ZNF518A: variants seen among roughly 807,000 people sequenced by gnomAD.
ZNF518A encodes zinc finger protein 518.
In ZNF518A, 47 loss-of-function variants were observed where a neutral mutation model predicts 102.7. The observed-to-expected ratio is 0.46, with a 90% CI of 0.36 to 0.58. ZNF518A has a LOEUF of 0.58. Ranked by LOEUF, ZNF518A falls within the 20% of genes least tolerant of loss-of-function variation. The pLI, the probability that ZNF518A is intolerant of heterozygous loss-of-function variation, is 0.00. For missense variants in ZNF518A, 1,793 were observed against 1,699.8 expected (o/e 1.05, Z -0.96); for synonymous variants, 652 against 594.6 (o/e 1.10, Z -1.40).
At position 96,160,717 on chromosome 10, in the gene ZNF518A, T is replaced by C. The variant is rs1554887560; in HGVS notation, c.4395T>C (p.Ala1465=). Reference sequence around the variant, plus strand: ...TATTTGACAATCAGGATACTTGGGCTGGTCATGGGCAGAGACATTTAATGG... The same window carrying C: ...TATTTGACAATCAGGATACTTGGGCCGGTCATGGGCAGAGACATTTAATGG... The part of the protein sequence containing the change: ...GRVFDNQDTW[A]GHGQRHLMEA... Residue 1465 remains alanine (A), a synonymous_variant, in exon 6 of 6, where the codon GCT becomes GCC. Coordinates refer to ENST00000316045, the MANE Select transcript of ZNF518A (RefSeq NM_001330736.2). The C allele has an allele frequency of 1.2e-6, 2 of 1,611,652 alleles. No individual in the cohort carries two copies. The highest frequency in any genetic ancestry group is 1.7e-5 in the Admixed American group (1 of 59,618).
At chr10:96,164,140 G>C (rs1257279089), downstream of ZNF518A, among the ~76,000 whole-genome samples, 1 of 152,220 alleles carries the variant, frequency 6.6e-6, no homozygotes, top group African/African-American at 2.4e-5. Context: ...ATTTGAAATA[G>C]CTGTTAAGAA....
chr10:96,179,195 G>A (rs1237326640), intron 1 of ZNF518A, among the ~76,000 whole-genome samples: 3 of 152,096 alleles, frequency 2.0e-5, no homozygotes, highest in Non-Finnish European at 2.9e-5. Flanking sequence ...AATGGATACT[G>A]TATGTTAAAT....
chr10:96,201,711 CAT>C (rs34970170), intron 1 of ZNF518A, among the ~76,000 whole-genome samples: 18,570 of 150,640 alleles, frequency 0.12, 1,193 homozygotes, highest in Middle Eastern at 0.17. Flanking sequence ...AATGTGGAAA[CAT>C]GTGAAATACG....
chr10:96,148,994 C>T (rs1276526062), intron 3 of ZNF518A, among the ~76,000 whole-genome samples: 3 of 152,070 alleles, frequency 2.0e-5, no homozygotes, highest in Non-Finnish European at 2.9e-5. Flanking sequence ...GGATTACAGG[C>T]GTGAGCCACC....
intron 1 of ZNF518A, chr10:96,196,816 C>A: frequency 7.8e-7 from 1 of 1,289,146 alleles, no homozygotes. Flanking sequence ...CTTTTGTATC[C>A]TTTCTCCTCA....
At chr10:96,197,263 C>T (rs1554894935) in intron 1 of ZNF518A, among the ~76,000 whole-genome samples, 1 of 151,908 alleles carries the variant, frequency 6.6e-6, no homozygotes, top group African/African-American at 2.4e-5. Context: ...CATAGAAAAT[C>T]CTGAGTGAGA....
intron 3 of ZNF518A, among the ~76,000 whole-genome samples, chr10:96,137,686 G>A (rs1207586831): frequency 6.6e-6 from 1 of 152,172 alleles, no homozygotes; most frequent in Admixed American, 6.5e-5. Flanking sequence ...TCTGTTGGAT[G>A]TGTTATAGAA....
chr10:96,159,884 GA>G lies in ZNF518A; in HGVS notation c.3564del (p.Glu1188AspfsTer10). 6.2e-7 allele frequency: 1 copy of G among 1,613,514 alleles called. No homozygotes were observed. ...QIIGGEQKEP[E>X]SRDALPFLLD... ...TATAGGAGGAGAGCAGAAAGAGCCA[GA>G]ATCTAGAGATGCCTTACCCTTCTTA... On this transcript the variant is annotated frameshift_variant, in exon 6 of 6. Transcript: ENST00000316045. LOFTEE classifies it high-confidence loss of function.
At chr10:96,166,761 T>A (rs1554890426), downstream of ZNF518A, among the ~76,000 whole-genome samples, 1 of 151,994 alleles carries the variant, frequency 6.6e-6, no homozygotes, top group Non-Finnish European at 1.5e-5. Flanking sequence ...AGCGAGACTC[T>A]GTCTCAAAAA....
At chr10:96,187,286 A>G (rs1301836229) in intron 1 of ZNF518A, among the ~76,000 whole-genome samples, 2 of 152,232 alleles carry the variant, frequency 1.3e-5, no homozygotes, top group Non-Finnish European at 2.9e-5. Flanking sequence ...ATCAGGCACC[A>G]CTAGCTTACT....
chr10:96,180,702 C>T (rs1554891940), intron 1 of ZNF518A, among the ~76,000 whole-genome samples: 1 of 152,172 alleles, frequency 6.6e-6, no homozygotes, highest in Non-Finnish European at 1.5e-5. Flanking sequence ...GCATAGTATT[C>T]CATGGTGTAT....
In ZNF518A at chr10:96,203,782, T is replaced by TA. The variant is rs5787172; in HGVS notation, n.91-125dup. The TA allele has an allele frequency of 2.2e-3, 506 of 227,430 alleles. 1 individual carries two copies. Among genetic ancestry groups the TA allele is most frequent in the East Asian group, 0.014 (168 of 12,350 alleles). The allele number at this position is 227,430 out of a possible 1,614,324, so 14.1% of individuals were successfully genotyped here. On this transcript the variant is annotated intron_variant and non_coding_transcript_variant, in intron 2 of 2. Coordinates refer to the ZNF518A transcript ENST00000442635. The stretch of plus-strand genomic sequence containing the variant: ...TTTGAAAACAGCTGTATTGTTTTTG[T>TA]AAAAAAAAAAAAAGTTAAAAAAGGA...
At chr10:96,185,246 A>G (rs1156625498) in intron 1 of ZNF518A, among the ~76,000 whole-genome samples, 1 of 152,176 alleles carries the variant, frequency 6.6e-6, no homozygotes, top group East Asian at 1.9e-4. Flanking sequence ...ATGGGTTTGA[A>G]CATCCTCCTT....
At chr10:96,155,810 T>C (rs1053277264) in intron 4 of ZNF518A, 114 bp from the exon 5 acceptor site, 1 of 152,354 alleles carries the variant, frequency 6.6e-6, no homozygotes, top group Admixed American at 6.5e-5. Context: ...ATGTGTGTAA[T>C]TGGAACTTCT....
Position 96,180,291 on chromosome 10 carries a change from T to C in ZNF518A, n.36-23283T>C, listed in dbSNP as rs111944878. On this transcript the variant is annotated intron_variant and non_coding_transcript_variant, in intron 1 of 2. Transcript: ENST00000442635. ...CCTCTGCCTTAGCCTCCCAAAGTGC[T>C]ATAATTACAGGTGTGAGCCACTGTA... Among the ~76,000 whole-genome samples the C allele has an allele frequency of 1.6e-3, 245 of 150,004 alleles. 3 individuals carry two copies. Among genetic ancestry groups the C allele is most frequent in the African/African-American group, 5.7e-3 (231 of 40,700 alleles).
rs748978618 is a variant in ZNF518A, at chr10:96,149,595, C to G, written c.-301-5731C>G. On this transcript the variant is annotated intron_variant, in intron 3 of 5. Transcript: ENST00000316045. The stretch of plus-strand genomic sequence containing the variant: ...CTTCCTCCTTCCTCCCACAAGCTGG[C>G]AGTTCTTAGGCCTCGTAAAGATTCA... 8.4e-4 allele frequency among the ~76,000 whole-genome samples: 128 copies of G among 152,350 alleles called. 2 individuals are homozygous for G. The highest frequency in any genetic ancestry group is 1.0e-3 in the Non-Finnish European group (69 of 68,036).
chr10:96,154,168 A>C (rs1397115228), intron 3 of ZNF518A, among the ~76,000 whole-genome samples: 4 of 152,110 alleles, frequency 2.6e-5, no homozygotes, highest in African/African-American at 9.7e-5. Context: ...TCATCTCTAC[A>C]AAAAATACAG....
intron 3 of ZNF518A, among the ~76,000 whole-genome samples, chr10:96,137,681 T>G (rs1554875026): frequency 6.6e-6 from 1 of 152,252 alleles, no homozygotes; most frequent in African/African-American, 2.4e-5. Context: ...CTCTTTCTGT[T>G]GGATGTGTTA....
In ZNF518A at chr10:96,159,133, A is replaced by G; in HGVS notation, c.2811A>G (p.Gly937=). The change falls in exon 6 of 6, where the codon GGA becomes GGG. Residue 937 remains glycine (G), a synonymous_variant. Coordinates refer to ENST00000316045, the MANE Select transcript of ZNF518A (RefSeq NM_001330736.2). The stretch of plus-strand genomic sequence containing the variant: ...CTATAATTGTTCAGACTTCAAAAGG[A>G]TTCTTAATACCATTGAACATTACTA... ...KKTIIVQTSK[G]FLIPLNITNK... is the part of the protein sequence containing the mutation. 1 of 1,612,184 alleles carries G rather than the reference A, an allele frequency of 6.2e-7. No individual in the cohort carries two copies. The highest frequency in any genetic ancestry group is 8.5e-7 in the Non-Finnish European group (1 of 1,179,374).
Sources: gnomAD v4.1 joint callset for allele counts (sites outside exome capture counted in the v4.1 genomes callset) on GRCh38, gnomAD v4.1.1 for gene constraint, MANE v1.5 for transcripts, NCBI Gene and HGNC (gene_info 2026-07-23, HGNC 2026-07-21) for gene names.